The following NAV3 variants were observed in gnomAD, a reference collection of about 807,000 sequenced individuals.
The protein encoded by NAV3 is neuron navigator 3, also known as pore membrane and/or filament interacting like protein 1.
In NAV3, 87 loss-of-function variants were observed where a neutral mutation model predicts 244.7. The ratio of observed to expected loss-of-function variants is 0.36; its 90% CI spans 0.30 to 0.42. The LOEUF (loss-of-function observed/expected upper bound fraction) is 0.42. NAV3 is among the 20% of genes least tolerant of loss of function. NAV3 has a pLI of 1.00. For missense variants in NAV3, 2,663 were observed against 2,893.3 expected, an observed-to-expected ratio of 0.92 and a Z score of 1.83; for synonymous variants, 1,126 against 1,042.2, an observed-to-expected ratio of 1.08 and a Z score of -1.55.
chr12:77,712,950 G>T (rs115896068), intron 2 of NAV3, among the ~76,000 whole-genome samples: 1 of 152,124 alleles, frequency 6.6e-6, no homozygotes, highest in Non-Finnish European at 1.5e-5. Flanking sequence ...TCAGTTCTTT[G>T]TGGGTGTCTG....
At chr12:77,613,346 C>G (rs1565737039) in intron 2 of NAV3, among the ~76,000 whole-genome samples, 1 of 152,084 alleles carries the variant, frequency 6.6e-6, no homozygotes, top group Non-Finnish European at 1.5e-5. Context: ...GTGTCTAAAT[C>G]AGTCGAACAC....
At chr12:77,791,889 A>T (rs762682785) in intron 2 of NAV3, among the ~76,000 whole-genome samples, 1 of 152,242 alleles carries the variant, frequency 6.6e-6, no homozygotes, top group Non-Finnish European at 1.5e-5. Flanking sequence ...GATGATTTAA[A>T]GTATGCCTGT....
chr12:78,140,186 T>A, intron 19 of NAV3, 96 bp from the exon 20 acceptor site: 1 of 1,004,666 alleles, frequency 1.0e-6, no homozygotes. Flanking sequence ...ATTACTTAAT[T>A]TCCCTAACCA....
intron 2 of NAV3, among the ~76,000 whole-genome samples, chr12:77,678,455 A>G (rs972305638): frequency 2.0e-5 from 3 of 152,214 alleles, no homozygotes; most frequent in Non-Finnish European, 4.4e-5. Context: ...TGTATTAAGC[A>G]TAATTTTTTA....
At chr12:77,931,377 G>A (rs1159436656) in intron 1 of NAV3, among the ~76,000 whole-genome samples, 3 of 130,672 alleles carry the variant, frequency 2.3e-5, no homozygotes, top group Non-Finnish European at 4.8e-5. Context: ...TTCTGCATCC[G>A]CTGAGGAATG....
chr12:78,160,798 CT>C (rs974261254), intron 23 of NAV3, among the ~76,000 whole-genome samples: 1 of 152,002 alleles, frequency 6.6e-6, no homozygotes, highest in Non-Finnish European at 1.5e-5. Flanking sequence ...AAAATCTGTT[CT>C]AGCACAGCTA....
chr12:78,177,867 A>G (rs1021257301), intron 28 of NAV3, among the ~76,000 whole-genome samples, 182 bp downstream of exon 28: 3 of 152,012 alleles, frequency 2.0e-5, no homozygotes, highest in African/African-American at 4.8e-5. Flanking sequence ...CTTTGATTCT[A>G]TTAGTTAATC....
At chr12:77,716,486 G>T (rs1876368205) in intron 2 of NAV3, among the ~76,000 whole-genome samples, 1 of 151,396 alleles carries the variant, frequency 6.6e-6, no homozygotes, top group Admixed American at 6.6e-5. Flanking sequence ...CATGTTTTAT[G>T]AAAAAAATTT....
chr12:78,117,893 T>C (rs1442040620), intron 13 of NAV3, 134 bp from the exon 14 acceptor site: 2 of 899,450 alleles, frequency 2.2e-6, no homozygotes, highest in African/African-American at 3.4e-5. Flanking sequence ...CTAAAATTAA[T>C]AAAATGTAAG....
intron 2 of NAV3, among the ~76,000 whole-genome samples, chr12:77,746,329 C>T (rs1868540555): frequency 6.6e-6 from 1 of 152,018 alleles, no homozygotes; most frequent in Admixed American, 6.6e-5. Flanking sequence ...CAAGTGGTTG[C>T]CTAGAAACAC....
At chr12:77,904,424 C>T (rs1210850618) in intron 1 of NAV3, among the ~76,000 whole-genome samples, 2 of 152,080 alleles carry the variant, frequency 1.3e-5, no homozygotes, top group African/African-American at 4.8e-5. Flanking sequence ...TGTTCTCACT[C>T]ATAGTTGGGA....
chr12:78,043,628 C>A (rs1398455750), intron 9 of NAV3, among the ~76,000 whole-genome samples: 2 of 152,136 alleles, frequency 1.3e-5, no homozygotes, highest in Admixed American at 6.5e-5. Context: ...GCCATTCTAA[C>A]CGGCGTGAGA....
At chr12:77,655,362 G>A (rs1452364913) in intron 2 of NAV3, among the ~76,000 whole-genome samples, 1 of 152,156 alleles carries the variant, frequency 6.6e-6, no homozygotes, top group Non-Finnish European at 1.5e-5. Flanking sequence ...ATCAGTGATG[G>A]AAGATGAAAT....
intron 12 of NAV3, among the ~76,000 whole-genome samples, chr12:78,067,553 A>G (rs2137555779): frequency 6.6e-6 from 1 of 152,200 alleles, no homozygotes; most frequent in Non-Finnish European, 1.5e-5. Context: ...GTACTTTTTT[A>G]TAATGCCCCT....
chr12:77,880,897 GT>G (rs1243000588), intron 1 of NAV3, among the ~76,000 whole-genome samples: 3 of 152,080 alleles, frequency 2.0e-5, no homozygotes, highest in African/African-American at 7.2e-5. Flanking sequence ...CTAAGAAGGC[GT>G]TTCTTAGAAC....
intron 3 of NAV3, among the ~76,000 whole-genome samples, chr12:77,955,028 T>C (rs550897580): frequency 1.6e-4 from 25 of 152,280 alleles, no homozygotes; most frequent in African/African-American, 5.1e-4. Context: ...CCCTTACTTA[T>C]TTCTGTGGCC....
intron 12 of NAV3, among the ~76,000 whole-genome samples, chr12:78,109,955 C>G (rs1361320057): frequency 1.3e-5 from 2 of 151,966 alleles, no homozygotes; most frequent in African/African-American, 4.8e-5. Flanking sequence ...AACAATCAGA[C>G]AAGCAAAAGA....
At chr12:77,959,100 A>G (rs527741287) in intron 3 of NAV3, among the ~76,000 whole-genome samples, 3 of 152,314 alleles carry the variant, frequency 2.0e-5, no homozygotes, top group East Asian at 1.9e-4. Context: ...ACGACATGGT[A>G]TTAAACTGAA....
chr12:78,076,715 T>G lies in NAV3; in HGVS notation c.2636+17600T>G, dbSNP rs181689257. ...AAAAAAAACACAGGTATGAAAAGCA[T>G]GTAGCTAGGGTATTATCTCAAAAGA... On this transcript the variant is annotated intron_variant, in intron 12 of 39. Transcript: ENST00000397909. 1.4e-4 allele frequency among the ~76,000 whole-genome samples: 22 copies of G among 152,258 alleles called. No individual in the cohort carries two copies. The East Asian group carries it at 4.1e-3, about 28-fold the overall frequency.
Sources: gnomAD v4.1 joint callset for allele counts (sites outside exome capture counted in the v4.1 genomes callset) on GRCh38, gnomAD v4.1.1 for gene constraint, MANE v1.5 for transcripts, NCBI Gene and HGNC (gene_info 2026-07-23, HGNC 2026-07-21) for gene names.